Variants in SYNPO2 observed in about 807,000 individuals in gnomAD.
SYNPO2 encodes the protein synaptopodin-2.
SYNPO2 carries 56 observed loss-of-function variants against 85.0 expected under a neutral mutation model. That is an observed-to-expected ratio of 0.66 (90% confidence interval 0.53 to 0.82). The LOEUF is 0.82. Ranked by LOEUF, SYNPO2 falls within the 40% of genes least tolerant of loss-of-function variation. The pLI is 0.00. For missense variants in SYNPO2, 1,575 were observed against 1,534.2 expected, an observed-to-expected ratio of 1.03 and a Z score of -0.44; for synonymous variants, 602 against 591.1, an observed-to-expected ratio of 1.02 and a Z score of -0.27.
At chr4:118,933,774 C>CA (rs1449942822) in intron 1 of SYNPO2, among the ~76,000 whole-genome samples, 4 of 145,778 alleles carry the variant, frequency 2.7e-5, no homozygotes, top group Non-Finnish European at 4.5e-5. Flanking sequence ...TTCACGAGGT[C>CA]ATTAACACTG....
intron 4 of SYNPO2, among the ~76,000 whole-genome samples, chr4:119,048,410 G>C (rs1738936604): frequency 6.6e-6 from 1 of 152,206 alleles, no homozygotes; most frequent in Non-Finnish European, 1.5e-5. Flanking sequence ...GCCAAGTACT[G>C]TTCTAGGGAA....
chr4:118,928,792 T>C (rs924886146), intron 1 of SYNPO2, among the ~76,000 whole-genome samples: 8 of 152,310 alleles, frequency 5.3e-5, no homozygotes, highest in African/African-American at 1.9e-4. Context: ...ATTTTTGTAT[T>C]TGTATACTGA....
intron 1 of SYNPO2, among the ~76,000 whole-genome samples, chr4:118,922,536 T>C (rs901980811): frequency 6.7e-6 from 1 of 148,990 alleles, no homozygotes; most frequent in African/African-American, 2.5e-5. Flanking sequence ...CTCTCCACTC[T>C]TTTTTTTTTG....
chr4:118,940,095 C>G (rs1263983984), intron 1 of SYNPO2, among the ~76,000 whole-genome samples: 2 of 151,470 alleles, frequency 1.3e-5, no homozygotes, highest in African/African-American at 4.9e-5. Flanking sequence ...AAGCGATTCT[C>G]CTGCCTCAAC....
intron 1 of SYNPO2, among the ~76,000 whole-genome samples, chr4:118,901,956 T>C (rs1186137475): frequency 1.3e-5 from 2 of 152,156 alleles, no homozygotes; most frequent in Admixed American, 6.5e-5. Context: ...TGTTAGATAG[T>C]TGGGGGAAGA....
intron 1 of SYNPO2, among the ~76,000 whole-genome samples, chr4:118,990,116 T>C (rs1170575602): frequency 6.6e-6 from 1 of 152,198 alleles, no homozygotes; most frequent in Non-Finnish European, 1.5e-5. Flanking sequence ...GATCTATTAT[T>C]GGCTGTATGA....
chr4:118,865,742 T>TA (rs1344140705), intron 1 of SYNPO2, among the ~76,000 whole-genome samples: 2 of 152,260 alleles, frequency 1.3e-5, no homozygotes, highest in East Asian at 3.9e-4. Flanking sequence ...AAAGCACGGT[T>TA]AAAAAAAGTG....
intron 1 of SYNPO2, among the ~76,000 whole-genome samples, chr4:119,019,675 T>C (rs1737645628): frequency 6.6e-6 from 1 of 152,326 alleles, no homozygotes; most frequent in African/African-American, 2.4e-5. Flanking sequence ...ATTAAACATC[T>C]AGACGATAAA....
intron 4 of SYNPO2, among the ~76,000 whole-genome samples, chr4:119,050,352 C>G (rs1738996752): frequency 6.6e-6 from 1 of 151,888 alleles, no homozygotes; most frequent in Non-Finnish European, 1.5e-5. Flanking sequence ...AAAAGATATT[C>G]TCTCAAAACA....
At chr4:118,887,084 C>T (rs868804681), upstream of SYNPO2, among the ~76,000 whole-genome samples, 9 of 152,104 alleles carry the variant, frequency 5.9e-5, no homozygotes, top group African/African-American at 1.9e-4. Flanking sequence ...TAGGTTTTCT[C>T]CAGGTCCTCT....
intron 1 of SYNPO2, among the ~76,000 whole-genome samples, chr4:118,996,095 C>T (rs145060461): frequency 6.6e-5 from 10 of 152,330 alleles, no homozygotes; most frequent in Non-Finnish European, 5.9e-5. Flanking sequence ...TTCATCCTCT[C>T]TCTACCTGTC....
chr4:119,034,608 A>C (rs182545384), intron 4 of SYNPO2: 11 of 985,374 alleles, frequency 1.1e-5, no homozygotes, highest in Non-Finnish European at 1.2e-5. Context: ...ATCTTGGACC[A>C]TACAGTCCCA....
chr4:119,048,895 AAGTTTTT>A (rs1258016009), intron 4 of SYNPO2, among the ~76,000 whole-genome samples: 1 of 152,210 alleles, frequency 6.6e-6, no homozygotes. Flanking sequence ...AAGCCATGGG[AAGTTTTT>A]AAACAGTAGA....
upstream of SYNPO2, among the ~76,000 whole-genome samples, chr4:118,886,895 C>T (rs2149111919): frequency 6.6e-6 from 1 of 152,272 alleles, no homozygotes; most frequent in Non-Finnish European, 1.5e-5. Context: ...AATAAAATCA[C>T]TTGATGCCTT....
chr4:118,889,436 G>A (rs2149112812), intron 1 of SYNPO2, among the ~76,000 whole-genome samples: 1 of 152,220 alleles, frequency 6.6e-6, no homozygotes, highest in Middle Eastern at 3.4e-3. Context: ...AAGACACTGG[G>A]GAGCGTTTCT....
At chr4:118,861,499 C>T (rs1490993762) in intron 1 of SYNPO2, among the ~76,000 whole-genome samples, 1 of 152,076 alleles carries the variant, frequency 6.6e-6, no homozygotes, top group African/African-American at 2.4e-5. Flanking sequence ...CTTTAAAATA[C>T]ATTTTGATTT....
intron 1 of SYNPO2, among the ~76,000 whole-genome samples, chr4:118,890,981 G>T (rs1019962445): frequency 2.0e-5 from 3 of 152,050 alleles, no homozygotes; most frequent in Non-Finnish European, 4.4e-5. Context: ...AGTGGGTAGT[G>T]GGTTTCTTCT....
chr4:118,916,425 A>C (rs1733326838), intron 1 of SYNPO2, among the ~76,000 whole-genome samples: 1 of 151,902 alleles, frequency 6.6e-6, no homozygotes, highest in Admixed American at 6.6e-5. Context: ...CACCCCCCTC[A>C]GCCTCCCAAA....
At chr4:118,891,345 AAGAG>A (rs148010789) in intron 1 of SYNPO2, among the ~76,000 whole-genome samples, 6 of 151,212 alleles carry the variant, frequency 4.0e-5, no homozygotes, top group Non-Finnish European at 7.4e-5. Flanking sequence ...TTGTGTGTGC[AAGAG>A]AGAGAGAGAG....
Sources: gnomAD v4.1 joint callset for allele counts (sites outside exome capture counted in the v4.1 genomes callset) on GRCh38, gnomAD v4.1.1 for gene constraint, MANE v1.5 for transcripts, NCBI Gene and HGNC (gene_info 2026-07-23, HGNC 2026-07-21) for gene names.